The following RCAN1 variants were observed in gnomAD, a reference collection of about 807,000 sequenced individuals.
RCAN1 encodes the protein calcipressin-1.
A neutral mutation model predicts 22.9 loss-of-function variants in RCAN1; 11 were observed. The ratio of observed to expected loss-of-function variants is 0.48; its 90% CI spans 0.30 to 0.79. The LOEUF (loss-of-function observed/expected upper bound fraction) is 0.79. Among genes scored for constraint, RCAN1 ranks in the 30% least tolerant of loss-of-function variants. The pLI, the probability that RCAN1 is intolerant of heterozygous loss-of-function variation, is 0.06. For missense variants in RCAN1, 291 were observed against 337.8 expected, an observed-to-expected ratio of 0.86 and a Z score of 1.09; for synonymous variants, 136 against 142.3, an observed-to-expected ratio of 0.96 and a Z score of 0.32.
chr21:34,578,994 A>G (rs1987510790), intron 1 of RCAN1, among the ~76,000 whole-genome samples: 1 of 152,082 alleles, frequency 6.6e-6, no homozygotes, highest in African/African-American at 2.4e-5. Context: ...GACAAACAAA[A>G]ACAAGCCAAC....
chr21:34,574,011 A>G (rs1266722107), intron 1 of RCAN1, among the ~76,000 whole-genome samples: 1 of 152,232 alleles, frequency 6.6e-6, no homozygotes, highest in African/African-American at 2.4e-5. Flanking sequence ...CAAAGGGCAG[A>G]GCTTAAGGAA....
chr21:34,542,581 G>A (rs1601156188), intron 1 of RCAN1, among the ~76,000 whole-genome samples: 1 of 152,340 alleles, frequency 6.6e-6, no homozygotes, highest in African/African-American at 2.4e-5. Context: ...GATGATGCAT[G>A]GAGGAGAGAA....
intron 1 of RCAN1, chr21:34,559,132 A>G (rs1313604001): frequency 6.6e-6 from 1 of 152,248 alleles, no homozygotes; most frequent in Non-Finnish European, 1.5e-5. Flanking sequence ...GAGAGAATGC[A>G]AAGATGGATG....
intron 1 of RCAN1, among the ~76,000 whole-genome samples, chr21:34,578,444 A>G (rs1311947060): frequency 6.6e-6 from 1 of 152,230 alleles, no homozygotes; most frequent in Non-Finnish European, 1.5e-5. Flanking sequence ...AGGAATCTGC[A>G]TCAGAACAAA....
intron 1 of RCAN1, among the ~76,000 whole-genome samples, chr21:34,601,750 G>A (rs1190041237): frequency 5.9e-5 from 9 of 151,366 alleles, no homozygotes; most frequent in Admixed American, 1.3e-4. Context: ...CCTGGGAGGC[G>A]GAGCTTGCAG....
intron 1 of RCAN1, among the ~76,000 whole-genome samples, chr21:34,597,394 G>A (rs1300443400): frequency 6.6e-6 from 1 of 152,210 alleles, no homozygotes; most frequent in Non-Finnish European, 1.5e-5. Context: ...GCGGATACAG[G>A]ACACTCCCAC....
chr21:34,595,749 A>G lies in RCAN1; in HGVS notation c.252+19011T>C, dbSNP rs114065560. Among the ~76,000 whole-genome samples the G allele has an allele frequency of 9.8e-3, 1,486 of 152,296 alleles. 27 individuals carry two copies. The highest frequency in any genetic ancestry group is 0.035 in the African/African-American group (1,434 of 41,558). Reference sequence around the variant, plus strand: ...CCACTGGAAGGGCACTGCTCCCAACACCCACTCACACGCTGCCTGGATGGC... The same window carrying G: ...CCACTGGAAGGGCACTGCTCCCAACGCCCACTCACACGCTGCCTGGATGGC... On this transcript the variant is annotated intron_variant, in intron 1 of 3. Coordinates refer to ENST00000313806, the MANE Select transcript of RCAN1 (RefSeq NM_004414.7).
Position 34,518,065 on chromosome 21 carries a change from GTCC to G in RCAN1, c.*16_*18del. 1 of 1,613,536 alleles carries G rather than the reference GTCC, an allele frequency of 6.2e-7. No homozygotes were observed. Among genetic ancestry groups the G allele is most frequent in the Non-Finnish European group, 8.5e-7 (1 of 1,179,666 alleles). ...CTCCCGTGAGTATGATTTGGAATGC[GTCC>G]TCGTCGCGTGCCAGTTCAGCTGAGG... On this transcript the variant is annotated 3_prime_UTR_variant, in exon 4 of 4. Transcript: ENST00000313806. The surrounding 1 kb of genome is among the most constrained non-coding windows in gnomAD (Gnocchi z 4.2).
chr21:34,611,700 A>G (rs1244190766), intron 1 of RCAN1, among the ~76,000 whole-genome samples: 1 of 152,180 alleles, frequency 6.6e-6, no homozygotes, highest in African/African-American at 2.4e-5. Context: ...GATACCACCA[A>G]CCTAAAGTAG....
At chr21:34,584,924 C>CA (rs892513912) in intron 1 of RCAN1, among the ~76,000 whole-genome samples, 87 of 152,150 alleles carry the variant, frequency 5.7e-4, no homozygotes, top group African/African-American at 1.9e-3. Flanking sequence ...AAACTGAAAA[C>CA]AAAAATTATC....
chr21:34,609,476 C>A (rs942546872), intron 1 of RCAN1, among the ~76,000 whole-genome samples: 2 of 152,122 alleles, frequency 1.3e-5, no homozygotes, highest in Admixed American at 6.5e-5. Flanking sequence ...CTCAGACCTG[C>A]GCAAACAGGC....
intron 1 of RCAN1, among the ~76,000 whole-genome samples, chr21:34,567,554 C>CAAA (rs1163824625): frequency 0.028 from 1,931 of 70,214 alleles, 45 homozygotes; most frequent in African/African-American, 0.079. Context: ...GACTCCATCT[C>CAAA]AAAAAAAAAA....
chr21:34,598,986 A>G (rs1988249991), intron 1 of RCAN1, among the ~76,000 whole-genome samples: 1 of 152,158 alleles, frequency 6.6e-6, no homozygotes, highest in African/African-American at 2.4e-5. Flanking sequence ...CAATGATTCA[A>G]AATGATTTCT....
At chr21:34,521,160 C>T (rs1984489130) in intron 3 of RCAN1, 5 of 1,353,532 alleles carry the variant, frequency 3.7e-6, no homozygotes, top group Non-Finnish European at 4.7e-6. Flanking sequence ...ATCACTCATC[C>T]CTATCCGGAG....
intron 1 of RCAN1, among the ~76,000 whole-genome samples, chr21:34,560,642 TAATA>T (rs1677769524): frequency 6.6e-6 from 1 of 152,174 alleles, no homozygotes; most frequent in African/African-American, 2.4e-5. Flanking sequence ...TTTTAATACT[TAATA>T]ATTAGCACCA....
chr21:34,607,853 G>A (rs2123734734), intron 1 of RCAN1, among the ~76,000 whole-genome samples: 1 of 152,332 alleles, frequency 6.6e-6, no homozygotes, highest in Admixed American at 6.5e-5. Flanking sequence ...CCACACAGCA[G>A]GAGGTGAGCA....
chr21:34,595,934 A>C (rs1408602801), intron 1 of RCAN1, among the ~76,000 whole-genome samples: 1 of 152,230 alleles, frequency 6.6e-6, no homozygotes, highest in Admixed American at 6.5e-5. Flanking sequence ...ATGCAGGCCA[A>C]GCTCCCCAGA....
chr21:34,541,643 G>A (rs1985917136), intron 1 of RCAN1, among the ~76,000 whole-genome samples: 2 of 152,340 alleles, frequency 1.3e-5, no homozygotes, highest in South Asian at 2.1e-4. Flanking sequence ...AAAAATAAAT[G>A]CTATTCACGG....
intron 3 of RCAN1, chr21:34,521,162 T>C (rs1024977785): frequency 3.1e-5 from 42 of 1,358,650 alleles, no homozygotes; most frequent in Non-Finnish European, 3.6e-5. Context: ...CACTCATCCC[T>C]ATCCGGAGCG....
Sources: gnomAD v4.1 joint callset for allele counts (sites outside exome capture counted in the v4.1 genomes callset) on GRCh38, gnomAD v4.1.1 for gene constraint, Gnocchi (gnomAD v3.1) non-coding constraint, MANE v1.5 for transcripts, NCBI Gene and HGNC (gene_info 2026-07-23, HGNC 2026-07-21) for gene names.